The following RBMS1 variants were observed in gnomAD, a reference collection of about 807,000 sequenced individuals.
RBMS1 encodes RNA binding motif single stranded interacting protein 1, also known as RNA-binding motif, single-stranded-interacting protein 1.
A neutral mutation model predicts 62.3 loss-of-function variants in RBMS1; 17 were observed. That is an observed-to-expected ratio of 0.27 (90% CI 0.19 to 0.41). The LOEUF is 0.41. RBMS1 is among the 10% of genes least tolerant of loss of function. RBMS1 has a pLI of 1.00. For synonymous variants in RBMS1, 172 were observed against 170.0 expected, an observed-to-expected ratio of 1.01 and a Z score of -0.09; for missense variants, 334 against 504.5, an observed-to-expected ratio of 0.66 and a Z score of 3.24.
intron 2 of RBMS1, among the ~76,000 whole-genome samples, chr2:160,337,124 C>G (rs1271800764): frequency 6.8e-6 from 1 of 148,034 alleles, no homozygotes; most frequent in Non-Finnish European, 1.5e-5. Flanking sequence ...TTTCGTTTTT[C>G]TTTTTCTTTT....
intron 2 of RBMS1, among the ~76,000 whole-genome samples, chr2:160,343,287 T>G (rs1209846818): frequency 6.6e-6 from 1 of 152,346 alleles, no homozygotes; most frequent in Admixed American, 6.5e-5. Flanking sequence ...GATGGCTGAT[T>G]TGCATTTCAG....
intron 2 of RBMS1, among the ~76,000 whole-genome samples, chr2:160,353,944 G>A (rs1692657008): frequency 6.6e-6 from 1 of 152,026 alleles, no homozygotes; most frequent in Admixed American, 6.6e-5. Context: ...TGATTATCCC[G>A]ACTTTATAGG....
In RBMS1 at chr2:160,474,329, T is replaced by A. The variant is rs150171170; in HGVS notation, c.75+18960A>T. On this transcript the variant is annotated intron_variant, in intron 1 of 13. Coordinates refer to ENST00000348849, the MANE Select transcript of RBMS1 (RefSeq NM_016836.4). ...CATTCTAAAAGTTATTTCCAACAAG[T>A]TCTTTTTTGTGTGTGTTGATGAACA... is the stretch of plus-strand genomic sequence containing the variant. Among the ~76,000 whole-genome samples the A allele has an allele frequency of 5.3e-4, 80 of 152,308 alleles. 1 individual carries two copies. The East Asian group carries it at 0.013, about 25-fold the overall frequency.
At chr2:160,388,081 G>C (rs1318276976) in intron 1 of RBMS1, among the ~76,000 whole-genome samples, 1 of 152,158 alleles carries the variant, frequency 6.6e-6, no homozygotes. Flanking sequence ...TCAATCCTAA[G>C]CAAAGTATCC....
At position 160,354,014 on chromosome 2, in the gene RBMS1, T is replaced by C. The variant is rs561406637; in HGVS notation, c.251+13202A>G. Among the ~76,000 whole-genome samples the C allele has an allele frequency of 3.3e-5, 5 of 152,040 alleles. No individual in the cohort carries two copies. In the East Asian group the frequency reaches 9.7e-4, roughly 30 times the overall value. On this transcript the variant is annotated intron_variant, in intron 2 of 13. Transcript: ENST00000348849. ...TGCTCAAACAAGAGGCGGGGCCAGGTGGAAAGCTCTGAGCCTGTGCTCTTT... is the reference window on the plus strand; with the variant it reads ...TGCTCAAACAAGAGGCGGGGCCAGGCGGAAAGCTCTGAGCCTGTGCTCTTT...
At chr2:160,390,158 C>T (rs1484429714) in intron 1 of RBMS1, among the ~76,000 whole-genome samples, 1 of 152,174 alleles carries the variant, frequency 6.6e-6, no homozygotes, top group African/African-American at 2.4e-5. Context: ...TTCCACTCCA[C>T]CCACTTACAC....
chr2:160,389,526 C>T (rs1294540594), intron 1 of RBMS1, among the ~76,000 whole-genome samples: 1 of 151,722 alleles, frequency 6.6e-6, no homozygotes, highest in African/African-American at 2.4e-5. Flanking sequence ...GGCAAAACCC[C>T]ATCTCTACTA....
intron 1 of RBMS1, among the ~76,000 whole-genome samples, chr2:160,471,717 A>ATAT (rs1422014155): frequency 5.6e-5 from 3 of 53,954 alleles, no homozygotes; most frequent in Non-Finnish European, 8.4e-5. Context: ...ATATATATAT[A>ATAT]ACCTTTCATA....
intron 2 of RBMS1, among the ~76,000 whole-genome samples, chr2:160,350,456 T>C (rs1170036313): frequency 6.6e-6 from 1 of 152,012 alleles, no homozygotes; most frequent in African/African-American, 2.4e-5. Flanking sequence ...TGAACAGCCC[T>C]GTAAAGAAAT....
At chr2:160,294,350 T>C (rs1392317025) in intron 6 of RBMS1, among the ~76,000 whole-genome samples, 1 of 152,206 alleles carries the variant, frequency 6.6e-6, no homozygotes, top group Admixed American at 6.5e-5. Flanking sequence ...TGTGGTACAT[T>C]AGATTTTTAC....
chr2:160,296,910 C>T (rs962034218), intron 6 of RBMS1, among the ~76,000 whole-genome samples: 2 of 152,156 alleles, frequency 1.3e-5, no homozygotes, highest in Non-Finnish European at 2.9e-5. Flanking sequence ...TGTCTGCTCT[C>T]CCAGCCTGAG....
chr2:160,431,820 A>G (rs1682907839), intron 1 of RBMS1, among the ~76,000 whole-genome samples: 1 of 152,162 alleles, frequency 6.6e-6, no homozygotes, highest in African/African-American at 2.4e-5. Flanking sequence ...TAAATTACTT[A>G]TACCAGAAAA....
chr2:160,275,843 G>A, intron 12 of RBMS1, 129 bp from the exon 13 acceptor site: 2 of 1,319,350 alleles, frequency 1.5e-6, no homozygotes, highest in Non-Finnish European at 1.0e-6. Context: ...TTCACGTCAT[G>A]TAGAGCTTTC....
intron 2 of RBMS1, among the ~76,000 whole-genome samples, chr2:160,331,805 C>A (rs1257326485): frequency 6.6e-6 from 1 of 152,136 alleles, no homozygotes; most frequent in Admixed American, 6.5e-5. Flanking sequence ...ATAAAGCAGG[C>A]CTTTCCAAGA....
chr2:160,477,678 A>C (rs536481676), intron 1 of RBMS1, among the ~76,000 whole-genome samples: 2 of 152,324 alleles, frequency 1.3e-5, no homozygotes, highest in South Asian at 4.1e-4. Context: ...AGAAACTTTT[A>C]TTTTAGGAAG....
intron 6 of RBMS1, among the ~76,000 whole-genome samples, chr2:160,294,008 G>A (rs1330563821): frequency 6.6e-6 from 1 of 152,168 alleles, no homozygotes; most frequent in East Asian, 1.9e-4. Context: ...GTATTAAGTG[G>A]TTGTGGAAAA....
chr2:160,278,624 A>G lies in RBMS1; in HGVS notation c.986T>C (p.Met329Thr). ...AVLTPSMEHT[M>T]SLQPASMISP... ...GATCATTGATGCGGGCTGTAGTGACATGGTGTGCTCCATTGAGGGAGTTAA... is the reference window on the plus strand; with the variant it reads ...GATCATTGATGCGGGCTGTAGTGACGTGGTGTGCTCCATTGAGGGAGTTAA... Residue 329 changes from methionine (M) to threonine (T), a missense_variant, in exon 11 of 14, where the codon ATG (methionine) becomes ACG (threonine). Physicochemically the swap from Met to Thr is moderately conservative, Grantham distance 81 (BLOSUM62 -1). Coordinates refer to ENST00000348849, the MANE Select transcript of RBMS1 (RefSeq NM_016836.4). 1 of 1,613,626 alleles carries G rather than the reference A, an allele frequency of 6.2e-7. No homozygotes were observed. Among genetic ancestry groups the G allele is most frequent in the African/African-American group, 1.3e-5 (1 of 75,014 alleles).
intron 6 of RBMS1, among the ~76,000 whole-genome samples, chr2:160,290,799 T>C (rs182602262): frequency 2.6e-5 from 4 of 152,270 alleles, no homozygotes; most frequent in East Asian, 1.9e-4. Flanking sequence ...CCATCTAAGG[T>C]AATCATGTCA....
At chr2:160,342,691 G>T (rs1055317239) in intron 2 of RBMS1, among the ~76,000 whole-genome samples, 1 of 151,478 alleles carries the variant, frequency 6.6e-6, no homozygotes, top group African/African-American at 2.4e-5. Flanking sequence ...CGAGGTGGGC[G>T]GATCACGTGA....
Sources: gnomAD v4.1 joint callset for allele counts (sites outside exome capture counted in the v4.1 genomes callset) on GRCh38, gnomAD v4.1.1 for gene constraint, MANE v1.5 for transcripts, NCBI Gene and HGNC (gene_info 2026-07-23, HGNC 2026-07-21) for gene names.